Variants in CCDC57 observed in about 807,000 individuals in gnomAD.
The protein encoded by CCDC57 is coiled-coil domain containing 57, also known as coiled-coil domain-containing protein 57.
In CCDC57, 118 loss-of-function variants were observed where a neutral mutation model predicts 118.9. The ratio of observed to expected loss-of-function variants is 0.99; its 90% CI spans 0.86 to 1.16. CCDC57 has a LOEUF of 1.16. Among genes scored for constraint, CCDC57 ranks in the 50% most tolerant of loss-of-function variants. The pLI is 0.00. For synonymous variants in CCDC57, 527 were observed against 532.9 expected, an observed-to-expected ratio of 0.99 and a Z score of 0.15; for missense variants, 1,300 against 1,320.7, an observed-to-expected ratio of 0.98 and a Z score of 0.24.
rs1033480049 is a variant in CCDC57 at position 82,118,612 on chromosome 17, T to C, written c.2899+9080A>G. On this transcript the variant is annotated intron_variant, in intron 19 of 19. Transcript: ENST00000665763. The surrounding 1 kb of genome is among the most constrained non-coding windows in gnomAD (Gnocchi z 4.7). ...TCTAGGGAGGTGGAGGCAGGCCTGCTGCAGGGGGTCGGCTTCAGAAGCAGG... is the reference window on the plus strand; with the variant it reads ...TCTAGGGAGGTGGAGGCAGGCCTGCCGCAGGGGGTCGGCTTCAGAAGCAGG... Among the ~76,000 whole-genome samples the C allele has an allele frequency of 2.0e-5, 3 of 152,066 alleles. No homozygotes were observed. Among genetic ancestry groups the C allele is most frequent in the Non-Finnish European group, 4.4e-5 (3 of 67,996 alleles).
Position 82,101,669 on chromosome 17 carries a change from TG to T in CCDC57, c.*12del, listed in dbSNP as rs755801136. 2.1e-5 allele frequency: 34 copies of T among 1,584,140 alleles called. No individual in the cohort carries two copies. In the South Asian group the frequency reaches 2.7e-4, roughly 13 times the overall value. On this transcript the variant is annotated 3_prime_UTR_variant, in exon 20 of 20. Coordinates refer to ENST00000665763, the Ensembl canonical transcript of CCDC57. ...CCGAGCACCCCTTAGTGGGGCGGGG[TG>T]GGGGGAGGAAGTCAGTCCATAATGT...
intron 19 of CCDC57, among the ~76,000 whole-genome samples, chr17:82,103,893 G>A (rs906563095): frequency 2.0e-5 from 3 of 152,092 alleles, no homozygotes; most frequent in Non-Finnish European, 4.4e-5. Flanking sequence ...CCGGCCCCTA[G>A]CTCAGAATAT....
chr17:82,127,287 C>T (rs1452841350), intron 19 of CCDC57: 4 of 985,178 alleles, frequency 4.1e-6, no homozygotes, highest in Admixed American at 6.1e-5. Flanking sequence ...CTGGGGTCGA[C>T]CTGGCTCTTC....
chr17:82,172,810 A>C lies in CCDC57; in HGVS notation c.1557T>G (p.Ser519Arg). ...TCTGCTCTCGGAGCCGCTGGATCTCACTGGATGGAAAGTCTTTACTTATTT... is the reference window on the plus strand; with the variant it reads ...TCTGCTCTCGGAGCCGCTGGATCTCCCTGGATGGAAAGTCTTTACTTATTT... The change falls in exon 12 of 20, where the codon AGT becomes AGG. Residue 519 changes from serine (S) to arginine (R), a missense_variant. Transcript: ENST00000665763. This position sits in a 1 kb window ranked among gnomAD's most constrained non-coding sequence, Gnocchi z 5.2. The C allele has an allele frequency of 6.2e-7, 1 of 1,613,474 alleles. No individual in the cohort carries two copies.
At chr17:82,114,345 G>T (rs76967926) in intron 19 of CCDC57, among the ~76,000 whole-genome samples, 2 of 152,212 alleles carry the variant, frequency 1.3e-5, no homozygotes, top group Non-Finnish European at 2.9e-5. Flanking sequence ...GCTGGGTGAG[G>T]GGGGAGGGAC....
At chr17:82,189,873 G>C (rs2047439771) in intron 7 of CCDC57, among the ~76,000 whole-genome samples, 1 of 152,152 alleles carries the variant, frequency 6.6e-6, no homozygotes, top group Admixed American at 6.5e-5. Flanking sequence ...AGCCGGGCAT[G>C]GTGGCATGCG....
At chr17:82,137,498 C>A (rs1056289369) in intron 16 of CCDC57, among the ~76,000 whole-genome samples, 5 of 152,178 alleles carry the variant, frequency 3.3e-5, no homozygotes, top group African/African-American at 1.2e-4. Context: ...TATGAAAGAG[C>A]TAAGTTTCTC....
intron 19 of CCDC57, among the ~76,000 whole-genome samples, chr17:82,106,810 C>T (rs2034879700): frequency 6.6e-6 from 1 of 152,162 alleles, no homozygotes; most frequent in Admixed American, 6.5e-5. Flanking sequence ...GCAGCAGGGG[C>T]CAGTGTGCAG....
At chr17:82,103,269 AG>A (rs1346770492) in intron 19 of CCDC57, among the ~76,000 whole-genome samples, 1 of 151,816 alleles carries the variant, frequency 6.6e-6, no homozygotes, top group Non-Finnish European at 1.5e-5. Flanking sequence ...ACCCGGAACC[AG>A]TCTTCCTTTT....
At position 82,179,128 on chromosome 17, in the gene CCDC57, G is replaced by A; in HGVS notation, c.1273C>T (p.Gln425Ter). ...CGGCGCTGCCAGTCCAGGCCCAGCTGCACCTGATCACGCTCCAGGCTCCGC... is the reference window on the plus strand; with the variant it reads ...CGGCGCTGCCAGTCCAGGCCCAGCTACACCTGATCACGCTCCAGGCTCCGC... Residue 425 changes from glutamine to a stop codon, truncating the protein, a stop_gained, in exon 10 of 20, where the codon CAG (glutamine) becomes TAG (stop). Transcript: ENST00000665763. LOFTEE classifies it high-confidence loss of function. 6.2e-7 allele frequency: 1 copy of A among 1,613,974 alleles called. No individual in the cohort carries two copies. Among genetic ancestry groups the A allele is most frequent in the Non-Finnish European group, 8.5e-7 (1 of 1,179,878 alleles).
chr17:82,126,747 T>C, intron 19 of CCDC57: 1 of 985,406 alleles, frequency 1.0e-6, no homozygotes, highest in Non-Finnish European at 1.2e-6. Context: ...CGTACACGTG[T>C]GTTTTCACAC....
chr17:82,130,905 A>G (rs77426729), intron 17 of CCDC57, among the ~76,000 whole-genome samples: 70,298 of 143,368 alleles, frequency 0.49, 17,161 homozygotes, highest in East Asian at 0.88. Flanking sequence ...TCTGCCTCCT[A>G]GGTTCAAGTG....
rs532518079 is a variant in CCDC57, at chr17:82,115,205, G to GGC, written c.2899+12485_2899+12486dup. Among the ~76,000 whole-genome samples, 1,400 of 152,084 alleles carry GGC rather than the reference G, an allele frequency of 9.2e-3. 19 individuals are homozygous for GGC. Among genetic ancestry groups the GGC allele is most frequent in the African/African-American group, 0.032 (1,336 of 41,424 alleles). Reference sequence around the variant, plus strand: ...TGCGGCAACCACTGGGGCCGAGCAGGGCAGTCACTGGAGCCCTGTGTGATC... The same window carrying GGC: ...TGCGGCAACCACTGGGGCCGAGCAGGGCGCAGTCACTGGAGCCCTGTGTGATC... On this transcript the variant is annotated intron_variant, in intron 19 of 19. Coordinates refer to ENST00000665763, the Ensembl canonical transcript of CCDC57.
intron 19 of CCDC57, chr17:82,126,479 C>T (rs889236840): frequency 1.4e-4 from 133 of 975,416 alleles, no homozygotes; most frequent in Non-Finnish European, 1.5e-4. Context: ...ATAAGAAAGA[C>T]CACAATCTAA....
chr17:82,111,473 G>C (rs929508347), intron 19 of CCDC57, among the ~76,000 whole-genome samples: 6 of 151,044 alleles, frequency 4.0e-5, no homozygotes, highest in African/African-American at 1.5e-4. Context: ...CAACCTCCCG[G>C]GCTCAAACGA....
At chr17:82,145,440 G>C (rs1314542578) in intron 16 of CCDC57, among the ~76,000 whole-genome samples, 1 of 151,982 alleles carries the variant, frequency 6.6e-6, no homozygotes, top group Non-Finnish European at 1.5e-5. Context: ...CCAGCTACTT[G>C]GGAGGCTGAG....
chr17:82,186,037 G>T (rs542949089), intron 8 of CCDC57, among the ~76,000 whole-genome samples: 8 of 151,802 alleles, frequency 5.3e-5, no homozygotes, highest in Non-Finnish European at 1.2e-4. Context: ...GTCTTGTTTC[G>T]TTGCCCAGGC....
chr17:82,126,424 G>T, intron 19 of CCDC57: 1 of 983,030 alleles, frequency 1.0e-6, no homozygotes, highest in Non-Finnish European at 1.2e-6. Context: ...TGTTGTCACC[G>T]AAAAGGCCTA....
intron 16 of CCDC57, chr17:82,145,848 C>T (rs932869884): frequency 2.2e-6 from 1 of 462,326 alleles, no homozygotes; most frequent in African/African-American, 2.0e-5. Context: ...CCCACCATGT[C>T]ACCTGCTGGA....
Sources: gnomAD v4.1 joint callset for allele counts (sites outside exome capture counted in the v4.1 genomes callset) on GRCh38, gnomAD v4.1.1 for gene constraint, Gnocchi (gnomAD v3.1) non-coding constraint, MANE v1.5 for transcripts, NCBI Gene and HGNC (gene_info 2026-07-23, HGNC 2026-07-21) for gene names.